The following ARHGAP29 variants were observed in gnomAD, a reference collection of about 807,000 sequenced individuals.
The protein encoded by ARHGAP29 is rho GTPase-activating protein 29.
In ARHGAP29, 43 loss-of-function variants were observed where a neutral mutation model predicts 122.6. The observed-to-expected ratio is 0.35, with a 90% CI of 0.27 to 0.45. The LOEUF is 0.45. Ranked by LOEUF, ARHGAP29 falls within the 20% of genes least tolerant of loss-of-function variation. The pLI is 1.00. For synonymous variants in ARHGAP29, 506 were observed against 497.1 expected, an observed-to-expected ratio of 1.02 and a Z score of -0.24; for missense variants, 1,303 against 1,477.2, an observed-to-expected ratio of 0.88 and a Z score of 1.93.
intron 15 of ARHGAP29, among the ~76,000 whole-genome samples, chr1:94,187,703 G>GA (rs1649892005): frequency 1.3e-5 from 2 of 152,110 alleles, no homozygotes; most frequent in Non-Finnish European, 2.9e-5. Context: ...TTTACCACAT[G>GA]AAGTCTTATG....
At chr1:94,268,350 C>T (rs1489882965) in intron 1 of ARHGAP29, among the ~76,000 whole-genome samples, 1 of 152,054 alleles carries the variant, frequency 6.6e-6, no homozygotes, top group Non-Finnish European at 1.5e-5. Context: ...TTCTCCTACA[C>T]CTACCACTCC....
intron 3 of ARHGAP29, among the ~76,000 whole-genome samples, chr1:94,214,913 T>C (rs1258733017): frequency 2.0e-5 from 3 of 152,128 alleles, no homozygotes; most frequent in Non-Finnish European, 4.4e-5. Flanking sequence ...TAATCAGCTA[T>C]ATAACACCTA....
chr1:94,268,672 G>A lies in ARHGAP29; in HGVS notation c.-33+6340C>T, dbSNP rs543629703. Among the ~76,000 whole-genome samples, 68 of 152,196 alleles carry A rather than the reference G, an allele frequency of 4.5e-4. 3 individuals carry two copies. The South Asian group carries it at 0.014, about 31-fold the overall frequency. ...ATGAAGATACTGGCATATTTATTAA[G>A]CTAGATGTTCTTAAATTATCAAATG... On this transcript the variant is annotated intron_variant and NMD_transcript_variant, in intron 1 of 25. Coordinates refer to the ARHGAP29 transcript ENST00000552844.
At chr1:94,294,367 C>T in the ARHGAP29 span, among the ~76,000 whole-genome samples, 1 of 151,956 alleles carries the variant, frequency 6.6e-6, no homozygotes, top group African/African-American at 2.4e-5. Flanking sequence ...GCTGGAGTGC[C>T]ATTGTGGCCC....
At chr1:94,266,180 G>C (rs188081952) in intron 1 of ARHGAP29, among the ~76,000 whole-genome samples, 1 of 152,188 alleles carries the variant, frequency 6.6e-6, no homozygotes, top group South Asian at 2.1e-4. Flanking sequence ...CAGGAAAATA[G>C]AAAATGACAG....
intron 12 of ARHGAP29, among the ~76,000 whole-genome samples, chr1:94,199,746 A>G (rs1052250118): frequency 6.6e-6 from 1 of 152,076 alleles, no homozygotes; most frequent in Non-Finnish European, 1.5e-5. Context: ...ACCCCAATAA[A>G]AGCTCTACTT....
chr1:94,310,054 A>T, the ARHGAP29 span, among the ~76,000 whole-genome samples: 1 of 152,218 alleles, frequency 6.6e-6, no homozygotes, highest in African/African-American at 2.4e-5. Flanking sequence ...ATGAACAAAA[A>T]TGTCATTAAG....
rs758667616 is a variant in ARHGAP29 at position 94,174,622 on chromosome 1, T to C, written c.3033A>G (p.Pro1011=). 2.5e-6 allele frequency: 4 copies of C among 1,614,006 alleles called. No individual in the cohort carries two copies. Among genetic ancestry groups the C allele is most frequent in the Non-Finnish European group, 3.4e-6 (4 of 1,180,038 alleles). The stretch of plus-strand genomic sequence containing the variant: ...AACTTACAGGTCTAATCTTGGTCCT[T>C]GGAGTATGCCTCTCCACATTGTTTG... ...RSTNNVERHT[P]RTKIRPVSLP... Residue 1011 remains proline (P), a synonymous_variant, in exon 23 of 23, where the codon CCA becomes CCG. Transcript: ENST00000260526.
At chr1:94,268,659 G>A (rs1654873984) in intron 1 of ARHGAP29, among the ~76,000 whole-genome samples, 1 of 152,108 alleles carries the variant, frequency 6.6e-6, no homozygotes, top group Non-Finnish European at 1.5e-5. Flanking sequence ...GAAGATACTG[G>A]CATATTTATT....
chr1:94,214,406 T>C (rs1016268612), intron 3 of ARHGAP29, among the ~76,000 whole-genome samples: 1 of 152,234 alleles, frequency 6.6e-6, no homozygotes, highest in African/African-American at 2.4e-5. Context: ...AACAAATTCC[T>C]AAACTACCTG....
At chr1:94,313,387 T>G in the ARHGAP29 span, among the ~76,000 whole-genome samples, 1 of 152,216 alleles carries the variant, frequency 6.6e-6, no homozygotes, top group Non-Finnish European at 1.5e-5. Flanking sequence ...TCAAAATACT[T>G]GTTCCTATTT....
In ARHGAP29 at chr1:94,259,105, C is replaced by A. The variant is rs139111497; in HGVS notation, c.-33+15907G>T. On this transcript the variant is annotated intron_variant and NMD_transcript_variant, in intron 1 of 25. Coordinates refer to the ARHGAP29 transcript ENST00000552844. ...AGTGGTTCAGCCCAAATCTCTAGAACAAGGGTGGGTGGGGACAGGCAGTGG... is the reference window on the plus strand; with the variant it reads ...AGTGGTTCAGCCCAAATCTCTAGAAAAAGGGTGGGTGGGGACAGGCAGTGG... 4.0e-3 allele frequency among the ~76,000 whole-genome samples: 602 copies of A among 152,216 alleles called. 7 individuals carry two copies. Among genetic ancestry groups the A allele is most frequent in the African/African-American group, 0.013 (554 of 41,528 alleles).
At chr1:94,261,980 A>G (rs1654575423) in intron 1 of ARHGAP29, among the ~76,000 whole-genome samples, 1 of 152,220 alleles carries the variant, frequency 6.6e-6, no homozygotes, top group African/African-American at 2.4e-5. Flanking sequence ...TGCTGGAGGC[A>G]TCACACTAGC....
chr1:94,241,655 T>TTA (rs1443023527), upstream of ARHGAP29, among the ~76,000 whole-genome samples: 7 of 141,844 alleles, frequency 4.9e-5, no homozygotes, highest in South Asian at 2.1e-4. Flanking sequence ...TATATATATC[T>TTA]TATATATATA....
intron 1 of ARHGAP29, among the ~76,000 whole-genome samples, chr1:94,234,721 A>G (rs1243984034): frequency 6.6e-6 from 1 of 152,196 alleles, no homozygotes; most frequent in Non-Finnish European, 1.5e-5. Context: ...ACAAAAATTC[A>G]AAGTGTCTTT....
At position 94,174,031 on chromosome 1, in the gene ARHGAP29, G is replaced by GA. The variant is rs1648922409; in HGVS notation, c.3623_3624insT (p.Asp1210ArgfsTer15). On this transcript the variant is annotated frameshift_variant, in exon 23 of 23. Coordinates refer to ENST00000260526, the MANE Select transcript of ARHGAP29 (RefSeq NM_004815.4). LOFTEE classifies it low-confidence loss of function (END_TRUNC). ...CAGGACAAGCTGATGCTTTGTCTGG[G>GA]TCTGGCATTGACTTCACCACGAGAC... 3 of 1,614,228 alleles carry GA rather than the reference G, an allele frequency of 1.9e-6. No individual in the cohort carries two copies. Among genetic ancestry groups the GA allele is most frequent in the South Asian group, 2.2e-5 (2 of 91,088 alleles).
intron 1 of ARHGAP29, among the ~76,000 whole-genome samples, chr1:94,248,726 C>A (rs1570602944): frequency 6.6e-6 from 1 of 152,184 alleles, no homozygotes; most frequent in Non-Finnish European, 1.5e-5. Flanking sequence ...TAGAGAGAGA[C>A]AGGGCCTTGC....
intron 12 of ARHGAP29, among the ~76,000 whole-genome samples, chr1:94,196,348 A>G (rs927465231): frequency 2.1e-4 from 26 of 122,256 alleles, no homozygotes; most frequent in East Asian, 1.2e-3. Context: ...TGCAAGCTCC[A>G]CCTCCCGGGT....
chr1:94,254,474 C>T (rs1201240530), intron 1 of ARHGAP29, among the ~76,000 whole-genome samples: 1 of 152,202 alleles, frequency 6.6e-6, no homozygotes, highest in Non-Finnish European at 1.5e-5. Flanking sequence ...AGGAGTTAGC[C>T]TGAATTGGCT....
Sources: gnomAD v4.1 joint callset for allele counts (sites outside exome capture counted in the v4.1 genomes callset) on GRCh38, gnomAD v4.1.1 for gene constraint, MANE v1.5 for transcripts, NCBI Gene and HGNC (gene_info 2026-07-23, HGNC 2026-07-21) for gene names.